Variants in CNTN4 observed in about 807,000 individuals in gnomAD.
CNTN4 encodes contactin-4.
Under a neutral mutation model 122.5 loss-of-function variants are expected in CNTN4, and 77 were observed. The ratio of observed to expected loss-of-function variants is 0.63; its 90% CI spans 0.52 to 0.76. The LOEUF (loss-of-function observed/expected upper bound fraction) is 0.76. CNTN4 is among the 30% of genes least tolerant of loss of function. The pLI, the probability that CNTN4 is intolerant of heterozygous loss-of-function variation, is 0.00. For synonymous variants in CNTN4, 512 were observed against 447.0 expected (o/e 1.15, Z -1.83); for missense variants, 1,256 against 1,259.1 (o/e 1.00, Z 0.04).
intron 3 of CNTN4, among the ~76,000 whole-genome samples, chr3:2,568,334 A>AAC (rs2079271199): frequency 1.3e-5 from 2 of 151,118 alleles, no homozygotes; most frequent in South Asian, 2.1e-4. Flanking sequence ...AAAAAAAAAA[A>AAC]AAAAAACCAC....
chr3:2,188,188 T>A (rs2037363508), intron 2 of CNTN4, among the ~76,000 whole-genome samples: 1 of 152,136 alleles, frequency 6.6e-6, no homozygotes, highest in Admixed American at 6.6e-5. Flanking sequence ...TACAATCCAC[T>A]TGAGATCCTT....
chr3:3,006,088 GGA>G lies in CNTN4; in HGVS notation c.1486+17617_1486+17618del, dbSNP rs1480728848. The stretch of plus-strand genomic sequence containing the variant: ...CATTTTTAGTAGAGACGGGGTTTCA[GGA>G]TGGTCTTGATCTCCTGACCTTGTGA... On this transcript the variant is annotated intron_variant, in intron 14 of 24. Transcript: ENST00000418658. 6.6e-5 allele frequency among the ~76,000 whole-genome samples: 10 copies of G among 152,022 alleles called. No individual in the cohort carries two copies. The East Asian group carries it at 1.9e-3, about 30-fold the overall frequency.
chr3:2,505,311 T>C (rs116592600), intron 3 of CNTN4, among the ~76,000 whole-genome samples: 5,126 of 152,188 alleles, frequency 0.034, 137 homozygotes, highest in Non-Finnish European at 0.047. Context: ...AATGTTTATA[T>C]TGGTTCTAGG....
chr3:2,146,135 T>C (rs1574936851), intron 2 of CNTN4, among the ~76,000 whole-genome samples: 1 of 151,852 alleles, frequency 6.6e-6, no homozygotes, highest in African/African-American at 2.4e-5. Context: ...TTTTTATCTA[T>C]ATTTGAGGGC....
chr3:2,655,890 G>A (rs2083567396), intron 4 of CNTN4, among the ~76,000 whole-genome samples: 1 of 152,114 alleles, frequency 6.6e-6, no homozygotes, highest in South Asian at 2.1e-4. Flanking sequence ...ATATCTGAAT[G>A]CCCATCACAT....
intron 2 of CNTN4, among the ~76,000 whole-genome samples, chr3:2,106,050 C>A (rs1472960157): frequency 6.6e-6 from 1 of 152,244 alleles, no homozygotes; most frequent in Admixed American, 6.5e-5. Context: ...AAATCATCTT[C>A]TTTAACTCTA....
intron 2 of CNTN4, among the ~76,000 whole-genome samples, chr3:2,312,589 T>G (rs560442599): frequency 7.2e-5 from 11 of 152,194 alleles, no homozygotes; most frequent in African/African-American, 1.9e-4. Flanking sequence ...CCTCTCTATG[T>G]GACATCCATT....
At chr3:2,347,410 CT>C (rs10664705) in intron 3 of CNTN4, among the ~76,000 whole-genome samples, 14 of 113,142 alleles carry the variant, frequency 1.2e-4, no homozygotes, top group Admixed American at 5.6e-4. Context: ...GAAATACAAT[CT>C]TTTTTTTTTT....
chr3:2,480,242 G>A (rs1326253127), intron 3 of CNTN4, among the ~76,000 whole-genome samples: 1 of 152,070 alleles, frequency 6.6e-6, no homozygotes, highest in Non-Finnish European at 1.5e-5. Flanking sequence ...CTGCTTTTCA[G>A]CATCATACTA....
intron 8 of CNTN4, among the ~76,000 whole-genome samples, chr3:2,881,090 A>G (rs1314218784): frequency 6.6e-6 from 1 of 152,246 alleles, no homozygotes; most frequent in Non-Finnish European, 1.5e-5. Context: ...TCGAGTTTGC[A>G]CTATTGACAA....
rs776222128 is a variant in CNTN4 at position 3,037,373 on chromosome 3, G to C, written c.2092+45G>C. ...CAGATCATCTGTTCTGCCAGCTGCT[G>C]TTCCTTAGGAAAAGCGTTTGAATTC... On this transcript the variant is annotated intron_variant, in intron 18 of 24. Transcript: ENST00000418658. The C allele has an allele frequency of 5.6e-6, 9 of 1,612,722 alleles. No homozygotes were observed. The East Asian group carries it at 1.8e-4, about 32-fold the overall frequency.
chr3:2,797,574 G>T (rs1169130039), intron 6 of CNTN4, among the ~76,000 whole-genome samples: 1 of 152,120 alleles, frequency 6.6e-6, no homozygotes, highest in African/African-American at 2.4e-5. Flanking sequence ...CTCCAGCCTG[G>T]GCAACAAGAG....
intron 7 of CNTN4, among the ~76,000 whole-genome samples, chr3:2,837,247 T>TA: frequency 1.3e-5 from 2 of 152,344 alleles, no homozygotes; most frequent in South Asian, 4.1e-4. Context: ...ATGTTTGCAT[T>TA]ATGTGGAGGA....
chr3:2,121,325 C>T (rs2033766253), intron 2 of CNTN4, among the ~76,000 whole-genome samples: 1 of 151,978 alleles, frequency 6.6e-6, no homozygotes, highest in Non-Finnish European at 1.5e-5. Flanking sequence ...TAGTGAAACC[C>T]CGTCTCTACT....
chr3:2,429,233 A>G (rs1008972906), intron 3 of CNTN4, among the ~76,000 whole-genome samples: 2 of 152,042 alleles, frequency 1.3e-5, no homozygotes, highest in Admixed American at 6.5e-5. Context: ...TTGGTCTTTG[A>G]TGATGGTGAC....
rs1479967966 is a variant in CNTN4, at chr3:2,856,054, T to G, written c.455-10698T>G. Reference sequence around the variant, plus strand: ...AAGCGACTTCTTTCTCAACTAACACTTTGGGCCTGGAGTTCAGCAATAATA... The same window carrying G: ...AAGCGACTTCTTTCTCAACTAACACGTTGGGCCTGGAGTTCAGCAATAATA... On this transcript the variant is annotated intron_variant, in intron 7 of 24. Transcript: ENST00000418658. 4.6e-5 allele frequency among the ~76,000 whole-genome samples: 7 copies of G among 152,166 alleles called. No homozygotes were observed. In the South Asian group the frequency reaches 1.4e-3, roughly 32 times the overall value.
At chr3:2,121,353 C>A (rs1211912711) in intron 2 of CNTN4, among the ~76,000 whole-genome samples, 1 of 152,032 alleles carries the variant, frequency 6.6e-6, no homozygotes, top group African/African-American at 2.4e-5. Flanking sequence ...GAAAAATTAG[C>A]CCGATGTGGT....
chr3:2,400,413 A>ATATATATATATG (rs1270176540), intron 3 of CNTN4, among the ~76,000 whole-genome samples: 2 of 62,668 alleles, frequency 3.2e-5, no homozygotes, highest in African/African-American at 9.3e-5. Context: ...GAATATATAT[A>ATATATATATATG]TATATATATA....
chr3:2,863,152 C>T (rs1189880761), intron 7 of CNTN4, among the ~76,000 whole-genome samples: 1 of 152,138 alleles, frequency 6.6e-6, no homozygotes, highest in East Asian at 1.9e-4. Context: ...TTATATTCCT[C>T]CTGCTCCTTC....
Sources: gnomAD v4.1 joint callset for allele counts (sites outside exome capture counted in the v4.1 genomes callset) on GRCh38, gnomAD v4.1.1 for gene constraint, MANE v1.5 for transcripts, NCBI Gene and HGNC (gene_info 2026-07-23, HGNC 2026-07-21) for gene names.